The following SERPINB2 variants were observed in gnomAD, a reference collection of about 807,000 sequenced individuals.
SERPINB2 encodes the protein serpin family B member 2.
In SERPINB2, 28 loss-of-function variants were observed where a neutral mutation model predicts 39.4. The observed-to-expected ratio is 0.71, with a 90% confidence interval of 0.53 to 0.97. The LOEUF is 0.97. Ranked by LOEUF, SERPINB2 falls within the 50% of genes least tolerant of loss-of-function variation. The pLI, the probability that SERPINB2 is intolerant of heterozygous loss-of-function variation, is 0.00. For synonymous variants in SERPINB2, 209 were observed against 175.1 expected, an observed-to-expected ratio of 1.19 and a Z score of -1.53; for missense variants, 557 against 505.3, an observed-to-expected ratio of 1.10 and a Z score of -0.98.
intron 7 of SERPINB2, 87 bp downstream of exon 7, chr18:63,902,655 T>C (rs2050000286): frequency 3.0e-6 from 4 of 1,315,736 alleles, no homozygotes; most frequent in Non-Finnish European, 4.2e-6. Context: ...AATGGTGTGG[T>C]AATTTCTCAT....
chr18:63,888,683 G>A (rs2144692210), intron 1 of SERPINB2, among the ~76,000 whole-genome samples: 1 of 152,314 alleles, frequency 6.6e-6, no homozygotes, highest in South Asian at 2.1e-4. Context: ...CCAAGTTTCA[G>A]TGGTGCATTT....
intron 3 of SERPINB2, among the ~76,000 whole-genome samples, chr18:63,895,855 T>C (rs1266560233): frequency 1.3e-5 from 2 of 152,232 alleles, no homozygotes; most frequent in East Asian, 3.8e-4. Flanking sequence ...ATCTCTCTCA[T>C]CTATCTTACC....
At position 63,903,284 on chromosome 18, in the gene SERPINB2, C is replaced by T. The variant is rs371265633; in HGVS notation, c.1227C>T (p.Phe409=). 1.2e-4 allele frequency: 178 copies of T among 1,531,106 alleles called. 1 individual carries two copies. The highest frequency in any genetic ancestry group is 1.4e-4 in the Non-Finnish European group (165 of 1,140,248). The allele number at this position is 1,531,106 out of a possible 1,614,324, so 94.8% of individuals were successfully genotyped here. Residue 409 remains phenylalanine (F), a synonymous_variant, in exon 8 of 8, where the codon TTC becomes TTT. Transcript: ENST00000299502. ...AGATAACCAACTGCATTTTATTTTT[C>T]GGCAGATTTTCCTCACCCTAAAACT... The part of the protein sequence containing the change: ...MHKITNCILF[F]GRFSSP
At position 63,903,441 on chromosome 18, in the gene SERPINB2, A is replaced by C; in HGVS notation, c.*136A>C. 1.4e-6 allele frequency: 1 copy of C among 724,454 alleles called. No individual in the cohort carries two copies. Among genetic ancestry groups the C allele is most frequent in the South Asian group, 3.5e-5 (1 of 28,452 alleles). The allele number at this position is 724,454 out of a possible 1,614,324, so 44.9% of individuals were successfully genotyped here. On this transcript the variant is annotated 3_prime_UTR_variant, in exon 8 of 8. Coordinates refer to ENST00000299502, the MANE Select transcript of SERPINB2 (RefSeq NM_002575.3). The stretch of plus-strand genomic sequence containing the variant: ...TCTGAACAACTTCTGCTACCCACTA[A>C]ATAAAAACACAGAAATAATTAGACA...
chr18:63,895,449 A>G, intron 3 of SERPINB2, 66 bp downstream of exon 3: 1 of 1,597,150 alleles, frequency 6.3e-7, no homozygotes. Flanking sequence ...TCTTAAAGCC[A>G]CAGTGTCAGA....
rs147312209 is a variant in SERPINB2, at chr18:63,902,544, C to T, written c.819C>T (p.Ala273=). The change falls in exon 7 of 8, where the codon GCC becomes GCT. Residue 273 remains alanine, a synonymous_variant. Coordinates refer to ENST00000299502, the MANE Select transcript of SERPINB2 (RefSeq NM_002575.3). The part of the protein sequence containing the change: ...SMFLLLPDEI[A]DVSTGLELLE... Reference sequence around the variant, plus strand: ...TCTTGTTGCTTCCAGATGAAATTGCCGATGTGTCCACTGGCTTGGAGCTGG... The same window carrying T: ...TCTTGTTGCTTCCAGATGAAATTGCTGATGTGTCCACTGGCTTGGAGCTGG... 3.2e-4 allele frequency: 517 copies of T among 1,613,136 alleles called. 2 individuals carry two copies. The highest frequency in any genetic ancestry group is 1.3e-3 in the Middle Eastern group (8 of 6,042).
In SERPINB2 at chr18:63,903,100, A is replaced by G. The variant is rs760089716; in HGVS notation, c.1043A>G (p.Asp348Gly). The G allele has an allele frequency of 6.2e-7, 1 of 1,613,702 alleles. No individual in the cohort carries two copies. The highest frequency in any genetic ancestry group is 8.5e-7 in the Non-Finnish European group (1 of 1,179,790). The change falls in exon 8 of 8, where the codon GAC becomes GGC. Residue 348 changes from aspartate to glycine, a missense_variant. Physicochemically the swap from Asp to Gly is moderately conservative, Grantham distance 94. Coordinates refer to ENST00000299502, the MANE Select transcript of SERPINB2 (RefSeq NM_002575.3). ...ANFSGMSERN[D>G]LFLSEVFHQA... ...TTCTCAGGGATGTCGGAGAGGAATG[A>G]CCTGTTTCTTTCTGAAGTGTTCCAC...
At chr18:63,901,960 C>T (rs991229429) in intron 6 of SERPINB2, 78 bp downstream of exon 6, 59 of 1,352,364 alleles carry the variant, frequency 4.4e-5, no homozygotes, top group East Asian at 2.8e-4. Flanking sequence ...AATTAGAGAC[C>T]GCTCATTATA....
intron 3 of SERPINB2, 25 bp downstream of exon 3, chr18:63,895,408 TC>T: frequency 6.2e-7 from 1 of 1,613,826 alleles, no homozygotes. Context: ...GGTCCAAATT[TC>T]TTTTGTGGTT....
Position 63,902,392 on chromosome 18 carries a change from T to C in SERPINB2, c.679-12T>C, listed in dbSNP as rs1193837573. On this transcript the variant is annotated splice_polypyrimidine_tract_variant and intron_variant, in intron 6 of 7. Transcript: ENST00000299502. Reference sequence around the variant, plus strand: ...TAATCGACTTCCATATTTTACCTTTTAATAATATTAGGCTCAGCGCACACC... The same window carrying C: ...TAATCGACTTCCATATTTTACCTTTCAATAATATTAGGCTCAGCGCACACC... 1 of 1,533,388 alleles carries C rather than the reference T, an allele frequency of 6.5e-7. No homozygotes were observed. Among genetic ancestry groups the C allele is most frequent in the African/African-American group, 1.4e-5 (1 of 71,446 alleles). The allele number at this position is 1,533,388 out of a possible 1,614,324, so 95.0% of individuals were successfully genotyped here.
Position 63,897,195 on chromosome 18 carries a change from T to C in SERPINB2, c.393T>C (p.Gly131=). ...TGGAAAGTGTCAATAAGCTGTTTGG[T>C]GAGAAGTCTGCGAGCTTCCGGGAAG... is the stretch of plus-strand genomic sequence containing the variant. ...YLLESVNKLF[G]EKSASFREEY... Residue 131 remains glycine (G), a synonymous_variant, in exon 4 of 8, where the codon GGT becomes GGC. Transcript: ENST00000299502. 1 of 1,611,816 alleles carries C rather than the reference T, an allele frequency of 6.2e-7. No individual in the cohort carries two copies. The highest frequency in any genetic ancestry group is 1.3e-5 in the African/African-American group (1 of 74,934).
At chr18:63,897,448 A>G (rs2049967067) in intron 4 of SERPINB2, among the ~76,000 whole-genome samples, 1 of 152,190 alleles carries the variant, frequency 6.6e-6, no homozygotes, top group Non-Finnish European at 1.5e-5. Flanking sequence ...AAACAAATGC[A>G]ACTGTTTTCC....
Position 63,903,146 on chromosome 18 carries a change from T to C in SERPINB2, c.1089T>C (p.Asn363=), listed in dbSNP as rs371135914. ...TCCACCAAGCCATGGTGGATGTGAA[T>C]GAGGAGGGCACTGAAGCAGCCGCTG... ...EVFHQAMVDV[N]EEGTEAAAGT... is the part of the protein sequence containing the mutation. The change falls in exon 8 of 8, where the codon AAT becomes AAC. Residue 363 remains asparagine, a synonymous_variant. Coordinates refer to ENST00000299502, the MANE Select transcript of SERPINB2 (RefSeq NM_002575.3). 30 of 1,613,618 alleles carry C rather than the reference T, an allele frequency of 1.9e-5. No homozygotes were observed. The African/African-American group carries it at 3.6e-4, about 19-fold the overall frequency.
chr18:63,890,219 A>C (rs2049917038), intron 1 of SERPINB2: 1 of 152,194 alleles, frequency 6.6e-6, no homozygotes, highest in Admixed American at 6.5e-5. Context: ...TTAAAAAAAA[A>C]GAGTTCATGA....
At chr18:63,890,496 A>G (rs1037971011) in intron 1 of SERPINB2, 2 of 152,226 alleles carry the variant, frequency 1.3e-5, no homozygotes, top group African/African-American at 4.8e-5. Flanking sequence ...ATACAGCTGG[A>G]AAGACGATCA....
Position 63,903,377 on chromosome 18 carries a change from G to C in SERPINB2, c.*72G>C. The C allele has an allele frequency of 3.5e-6, 5 of 1,415,704 alleles. No individual in the cohort carries two copies. The highest frequency in any genetic ancestry group is 4.7e-6 in the Non-Finnish European group (5 of 1,074,022). 87.7% of individuals were successfully genotyped at this position (1,415,704 alleles called of 1,614,324 possible). On this transcript the variant is annotated 3_prime_UTR_variant, in exon 8 of 8. Transcript: ENST00000299502. ...TGCCTCAGAATTGCTATTTCAAATT[G>C]CCAAAAATTTAGAGATGTTTTCTAC...
chr18:63,897,826 G>GT lies in SERPINB2; in HGVS notation c.518dup (p.Lys174GlnfsTer14). On this transcript the variant is annotated frameshift_variant, in exon 5 of 8. Coordinates refer to ENST00000299502, the MANE Select transcript of SERPINB2 (RefSeq NM_002575.3). LOFTEE classifies it high-confidence loss of function. Reference sequence around the variant, plus strand: ...AGCTAGAAAAAAGATTAATTCCTGGGTCAAGACTCAAACCAAAGGTAAATC... The same window carrying GT: ...AGCTAGAAAAAAGATTAATTCCTGGGTTCAAGACTCAAACCAAAGGTAAATC... 7 of 1,603,728 alleles carry GT rather than the reference G, an allele frequency of 4.4e-6. No homozygotes were observed. Among genetic ancestry groups the GT allele is most frequent in the Non-Finnish European group, 6.0e-6 (7 of 1,172,414 alleles).
Position 63,903,009 on chromosome 18 carries a change from T to C in SERPINB2, c.952T>C (p.Tyr318His). 6.2e-7 allele frequency: 1 copy of C among 1,613,778 alleles called. No individual in the cohort carries two copies. Among genetic ancestry groups the C allele is most frequent in the Non-Finnish European group, 8.5e-7 (1 of 1,179,816 alleles). ...ACCCCAGTTCAAATTAGAAGAGCAT[T>C]ATGAACTCAGATCCATTCTGAGAAG... ...YIPQFKLEEH[Y>H]ELRSILRSMG... The change falls in exon 8 of 8, where the codon TAT (tyrosine) becomes CAT (histidine). Residue 318 changes from tyrosine to histidine, a missense_variant. By Grantham distance (83) the Tyr-to-His change is moderately conservative. Coordinates refer to ENST00000299502, the MANE Select transcript of SERPINB2 (RefSeq NM_002575.3).
intron 3 of SERPINB2, among the ~76,000 whole-genome samples, chr18:63,895,889 C>G (rs1234361557): frequency 6.6e-6 from 1 of 152,030 alleles, no homozygotes; most frequent in Non-Finnish European, 1.5e-5. Flanking sequence ...TCAATCCTAT[C>G]TATCTATATA....
Sources: gnomAD v4.1 joint callset for allele counts (sites outside exome capture counted in the v4.1 genomes callset) on GRCh38, gnomAD v4.1.1 for gene constraint, MANE v1.5 for transcripts, NCBI Gene and HGNC (gene_info 2026-07-23, HGNC 2026-07-21) for gene names.